CRYBB2: variants seen among roughly 807,000 people sequenced by gnomAD.
The protein encoded by CRYBB2 is beta-crystallin B2.
Under a neutral mutation model 24.3 loss-of-function variants are expected in CRYBB2, and 12 were observed. The ratio of observed to expected loss-of-function variants is 0.49; its 90% CI spans 0.32 to 0.80. CRYBB2 has a LOEUF of 0.80. Ranked by LOEUF, CRYBB2 falls within the 30% of genes least tolerant of loss-of-function variation. The pLI, the probability that CRYBB2 is intolerant of heterozygous loss-of-function variation, is 0.04. For missense variants in CRYBB2, 198 were observed against 268.5 expected, an observed-to-expected ratio of 0.74 and a Z score of 1.83; for synonymous variants, 98 against 101.6, an observed-to-expected ratio of 0.96 and a Z score of 0.21.
At chr22:25,231,457 G>C in intron 5 of CRYBB2, 147 bp from the exon 6 acceptor site, 1 of 785,470 alleles carries the variant, frequency 1.3e-6, no homozygotes, top group Non-Finnish European at 2.3e-6. Flanking sequence ...AGGGTGTCCT[G>C]CTTACCCTTG....
Position 25,222,108 on chromosome 22 carries a change from C to G in CRYBB2, c.54+625C>G, listed in dbSNP as rs950132474. ...TCACACCCAGTCTGCCCTCAAACCT[C>G]TATCTAGGCACGGCCACCTGACTGC... On this transcript the variant is annotated intron_variant, in intron 2 of 5. Transcript: ENST00000398215. Among the ~76,000 whole-genome samples the G allele has an allele frequency of 7.0e-4, 106 of 152,360 alleles. 1 individual carries two copies. The highest frequency in any genetic ancestry group is 2.5e-3 in the African/African-American group (102 of 41,586).
rs150886048 is a variant in CRYBB2, at chr22:25,225,560, G to C, written c.173+524G>C. On this transcript the variant is annotated intron_variant, in intron 3 of 5. Coordinates refer to ENST00000398215, the MANE Select transcript of CRYBB2 (RefSeq NM_000496.3). ...TTGGGGGCCAGGTCTCTATCCAAGA[G>C]AGAAGGGGAGCTGAATGGTTGGCTC... is the stretch of plus-strand genomic sequence containing the variant. Among the ~76,000 whole-genome samples the C allele has an allele frequency of 2.5e-4, 38 of 152,310 alleles. No individual in the cohort carries two copies. In the East Asian group the frequency reaches 7.1e-3, roughly 29 times the overall value.
chr22:25,219,606 G>A (rs1042491795), upstream of CRYBB2: 1 of 152,214 alleles, frequency 6.6e-6, no homozygotes, highest in Non-Finnish European at 1.5e-5. Flanking sequence ...TTCTGGGGAA[G>A]GTATAAATGC....
At chr22:25,216,412 T>TA (rs562887547), upstream of CRYBB2, among the ~76,000 whole-genome samples, 157 of 152,262 alleles carry the variant, frequency 1.0e-3, 1 homozygote, top group African/African-American at 3.3e-3. Context: ...GATGTGAAGA[T>TA]ACAGGGAGAA....
rs1233124083 is a variant in CRYBB2, at chr22:25,222,576, A to AGAAAAAT, written c.54+1102_54+1108dup. ...CAACATAGTGAGATCCCATCTCCACAGAAAAATGAAAAATGGGGGTCAGGG... is the reference window on the plus strand; with the variant it reads ...CAACATAGTGAGATCCCATCTCCACAGAAAAATGAAAAATGAAAAATGGGGGTCAGGG... On this transcript the variant is annotated intron_variant, in intron 2 of 5. Coordinates refer to ENST00000398215, the MANE Select transcript of CRYBB2 (RefSeq NM_000496.3). Among the ~76,000 whole-genome samples, 15 of 152,322 alleles carry AGAAAAAT rather than the reference A, an allele frequency of 9.8e-5. No individual in the cohort carries two copies. The East Asian group carries it at 2.9e-3, about 29-fold the overall frequency.
chr22:25,218,770 AGAGAGAGAG>A (rs1285388491), upstream of CRYBB2, among the ~76,000 whole-genome samples: 42 of 25,742 alleles, frequency 1.6e-3, no homozygotes, highest in Middle Eastern at 0.018. Flanking sequence ...AGAGAGAGAG[AGAGAGAGAG>A]AAGAAAGAAA....
upstream of CRYBB2, among the ~76,000 whole-genome samples, chr22:25,217,838 C>T (rs5760916): frequency 0.57 from 86,836 of 151,944 alleles, 25,146 homozygotes; most frequent in East Asian, 0.9. Flanking sequence ...TGTGTGCATG[C>T]GTGTGCATGC....
rs186319289 is a variant in CRYBB2, at chr22:25,226,332, T to C, written c.173+1296T>C. 5.9e-5 allele frequency among the ~76,000 whole-genome samples: 9 copies of C among 152,240 alleles called. No homozygotes were observed. The East Asian group carries it at 1.7e-3, about 29-fold the overall frequency. On this transcript the variant is annotated intron_variant, in intron 3 of 5. Transcript: ENST00000398215. ...CATTTTATGTTGGTGTTTTTCAAAGTAGTTTGAGGAAAATTAGCATCAGAT... is the reference window on the plus strand; with the variant it reads ...CATTTTATGTTGGTGTTTTTCAAAGCAGTTTGAGGAAAATTAGCATCAGAT...
intron 3 of CRYBB2, among the ~76,000 whole-genome samples, chr22:25,227,044 G>T (rs575373999): frequency 4.6e-4 from 70 of 152,294 alleles, no homozygotes; most frequent in Non-Finnish European, 8.7e-4. Flanking sequence ...TCTTCCAAAA[G>T]AGGACAATAA....
At chr22:25,218,838 G>GAAAGAAAGAGAA, upstream of CRYBB2, among the ~76,000 whole-genome samples, 1 of 98,074 alleles carries the variant, frequency 1.0e-5, no homozygotes. Flanking sequence ...AAGAAAGAAA[G>GAAAGAAAGAGAA]AGAAAGAAAG....
intron 2 of CRYBB2, 44 bp from the exon 3 acceptor site, chr22:25,224,871 ACTC>A (rs1474857796): frequency 9.6e-7 from 1 of 1,045,804 alleles, no homozygotes; most frequent in East Asian, 2.4e-5. Context: ...CCCAGTTCTC[ACTC>A]CTCTTCATCG....
At chr22:25,224,858 C>A in intron 2 of CRYBB2, 60 bp from the exon 3 acceptor site, 1 of 927,282 alleles carries the variant, frequency 1.1e-6, no homozygotes, top group Non-Finnish European at 1.8e-6. Flanking sequence ...CCCACGTCTA[C>A]CACCCAGTTC....
At chr22:25,213,128 G>A (rs149681325) in intron 1 of CRYBB2, among the ~76,000 whole-genome samples, 16 of 152,260 alleles carry the variant, frequency 1.1e-4, no homozygotes, top group African/African-American at 1.9e-4. Context: ...AAGCATGCAC[G>A]TAGATGGGTT....
upstream of CRYBB2, among the ~76,000 whole-genome samples, chr22:25,218,029 A>G (rs1202560655): frequency 6.7e-6 from 1 of 148,838 alleles, no homozygotes; most frequent in Non-Finnish European, 1.5e-5. Flanking sequence ...GGAGGCCGAG[A>G]CGGGCGGATA....
At chr22:25,212,215 G>A (rs116922394), upstream of CRYBB2, among the ~76,000 whole-genome samples, 860 of 152,336 alleles carry the variant, frequency 5.6e-3, 5 homozygotes, top group Non-Finnish European at 9.2e-3. Context: ...GACATGCTCC[G>A]TAGTTGTATG....
chr22:25,218,779 G>GAGAAGAAAGAAAGAAAGAAAGA (rs1935251085), upstream of CRYBB2, among the ~76,000 whole-genome samples: 1 of 34,532 alleles, frequency 2.9e-5, no homozygotes, highest in Non-Finnish European at 5.3e-5. Context: ...GAGAGAGAGA[G>GAGAAGAAAGAAAGAAAGAAAGA]AAGAAAGAAA....
In CRYBB2 at chr22:25,228,981, C is replaced by T. The variant is rs867420200; in HGVS notation, c.307-455C>T. Among the ~76,000 whole-genome samples the T allele has an allele frequency of 1.3e-4, 19 of 147,140 alleles. 1 individual carries two copies. The highest frequency in any genetic ancestry group is 4.3e-4 in the South Asian group (2 of 4,616). On this transcript the variant is annotated intron_variant, in intron 4 of 5. Transcript: ENST00000398215. ...GTGCGTGTGTCCATGTGTGTGTGCA[C>T]GCATGTGTGGGTGTGCGTGTGTGTG...
At chr22:25,218,796 A>AAAAGAAAGAG, upstream of CRYBB2, among the ~76,000 whole-genome samples, 1 of 113,308 alleles carries the variant, frequency 8.8e-6, no homozygotes. Flanking sequence ...GAAAGAAAGA[A>AAAAGAAAGAG]AGAAAGAAAG....
chr22:25,217,610 C>T (rs767964272), upstream of CRYBB2, among the ~76,000 whole-genome samples: 5 of 151,936 alleles, frequency 3.3e-5, no homozygotes, highest in Non-Finnish European at 7.4e-5. Flanking sequence ...AGCCGCTGTG[C>T]CCGGCCAGCC....
Sources: allele counts gnomAD v4.1 joint callset (sites outside exome capture counted in the v4.1 genomes callset), GRCh38; gene constraint gnomAD v4.1.1; transcripts MANE v1.5; gene names NCBI Gene and HGNC (gene_info 2026-07-23, HGNC 2026-07-21).